CNTNAP5: variants seen among roughly 807,000 people sequenced by gnomAD.
The protein encoded by CNTNAP5 is contactin associated protein family member 5.
A neutral mutation model predicts 150.2 loss-of-function variants in CNTNAP5; 72 were observed. That is an observed-to-expected ratio of 0.48 (90% confidence interval 0.40 to 0.58). The LOEUF (loss-of-function observed/expected upper bound fraction) is 0.58, where lower values mean the gene tolerates loss of function less well. Among genes scored for constraint, CNTNAP5 ranks in the 20% least tolerant of loss-of-function variants. The probability of loss-of-function intolerance (pLI) is 0.00; values close to 1 mark genes in which losing one functional copy is unlikely to be tolerated. For missense variants in CNTNAP5, 1,636 were observed against 1,626.2 expected (o/e 1.01, Z -0.10); for synonymous variants, 672 against 619.8 (o/e 1.08, Z -1.25).
At chr2:124,519,383 T>C (rs1197010177) in intron 8 of CNTNAP5, among the ~76,000 whole-genome samples, 3 of 152,170 alleles carry the variant, frequency 2.0e-5, no homozygotes, top group Non-Finnish European at 4.4e-5. Flanking sequence ...ATAATAAAAA[T>C]AAAAGCAAAG....
intron 22 of CNTNAP5, among the ~76,000 whole-genome samples, chr2:124,908,676 A>C (rs865777049): frequency 1.1e-4 from 17 of 152,244 alleles, no homozygotes; most frequent in Middle Eastern, 6.8e-3. Context: ...ACTCAGAAGA[A>C]GGCATTGTTA....
At chr2:124,802,079 C>G (rs1384358236) in intron 19 of CNTNAP5, among the ~76,000 whole-genome samples, 1 of 152,132 alleles carries the variant, frequency 6.6e-6, no homozygotes, top group Non-Finnish European at 1.5e-5. Context: ...TTACAGGGAG[C>G]CCATTTTGCT....
At chr2:124,753,248 A>T (rs888694667) in intron 14 of CNTNAP5, among the ~76,000 whole-genome samples, 9 of 152,108 alleles carry the variant, frequency 5.9e-5, no homozygotes, top group African/African-American at 2.2e-4. Flanking sequence ...TTTTTATGGG[A>T]TGTTATCTTT....
chr2:124,495,612 T>A (rs1345518842), intron 7 of CNTNAP5, among the ~76,000 whole-genome samples: 1 of 152,212 alleles, frequency 6.6e-6, no homozygotes, highest in Non-Finnish European at 1.5e-5. Flanking sequence ...TAAAAATGTG[T>A]CTCTCGTGGA....
At chr2:124,747,080 G>A (rs1680618262) in intron 13 of CNTNAP5, 149 bp from the exon 14 acceptor site, 15 of 611,082 alleles carry the variant, frequency 2.5e-5, no homozygotes, top group Non-Finnish European at 4.0e-5. Context: ...AAGGGAAGGG[G>A]GGATGTGAGG....
At chr2:124,570,562 G>GTTGA (rs140552578) in intron 11 of CNTNAP5, among the ~76,000 whole-genome samples, 3,985 of 152,108 alleles carry the variant, frequency 0.026, 185 homozygotes, top group African/African-American at 0.091. Flanking sequence ...CAGTTTGTTG[G>GTTGA]GGATCGGGTT....
intron 22 of CNTNAP5, among the ~76,000 whole-genome samples, chr2:124,907,601 A>G (rs941686487): frequency 1.3e-5 from 2 of 149,406 alleles, no homozygotes; most frequent in Non-Finnish European, 3.0e-5. Flanking sequence ...ATATTTATAG[A>G]TCAAGATCTA....
chr2:124,149,138 C>A (rs181389775), intron 1 of CNTNAP5, among the ~76,000 whole-genome samples: 1 of 151,916 alleles, frequency 6.6e-6, no homozygotes, highest in Non-Finnish European at 1.5e-5. Flanking sequence ...GTGGGTGTTT[C>A]GTTAAGTTCT....
intron 1 of CNTNAP5, among the ~76,000 whole-genome samples, chr2:124,189,189 C>T (rs1313449108): frequency 6.6e-6 from 1 of 152,014 alleles, no homozygotes; most frequent in Admixed American, 6.6e-5. Context: ...GTTGGAGATA[C>T]AGCAGTAAAC....
chr2:124,189,987 T>C (rs557102708), intron 1 of CNTNAP5, among the ~76,000 whole-genome samples: 2 of 152,316 alleles, frequency 1.3e-5, no homozygotes, highest in East Asian at 3.9e-4. Flanking sequence ...CTGAGTATGT[T>C]TGCTTCTGTA....
chr2:124,755,262 C>T lies in CNTNAP5; in HGVS notation c.2234+7877C>T, dbSNP rs188812362. 1.7e-4 allele frequency among the ~76,000 whole-genome samples: 26 copies of T among 152,128 alleles called. No individual in the cohort carries two copies. The East Asian group carries it at 4.8e-3, about 28-fold the overall frequency. On this transcript the variant is annotated intron_variant, in intron 14 of 23. Transcript: ENST00000682447. ...TCTATTACATCAGTTATCTGTCAAG[C>T]CTTATAAATATACTATCACTAAATT... is the stretch of plus-strand genomic sequence containing the variant.
intron 1 of CNTNAP5, among the ~76,000 whole-genome samples, chr2:124,069,120 G>T (rs13412660): frequency 0.12 from 18,261 of 151,992 alleles, 1,161 homozygotes; most frequent in South Asian, 0.23. Flanking sequence ...TGCCATGAAG[G>T]GTGAGTCCCA....
intron 18 of CNTNAP5, among the ~76,000 whole-genome samples, chr2:124,797,438 C>T (rs1364617980): frequency 6.6e-6 from 1 of 152,170 alleles, no homozygotes; most frequent in African/African-American, 2.4e-5. Context: ...AGCCTATTTA[C>T]CCAAGTCTTG....
chr2:124,359,153 C>A (rs545389967), intron 3 of CNTNAP5, among the ~76,000 whole-genome samples: 1 of 151,932 alleles, frequency 6.6e-6, no homozygotes. Flanking sequence ...CGGTGATATC[C>A]CCTTTATCAT....
chr2:124,830,038 A>C (rs1307592568), intron 19 of CNTNAP5, among the ~76,000 whole-genome samples: 2 of 151,822 alleles, frequency 1.3e-5, no homozygotes, highest in East Asian at 3.9e-4. Context: ...CTATGAATTT[A>C]TATATTTTAT....
intron 1 of CNTNAP5, among the ~76,000 whole-genome samples, chr2:124,145,878 A>G (rs1573789339): frequency 6.7e-6 from 1 of 150,298 alleles, no homozygotes; most frequent in East Asian, 2.0e-4. Context: ...TGGAGCTTTG[A>G]AGTTCATGGG....
chr2:124,130,839 A>G (rs551800378), intron 1 of CNTNAP5, among the ~76,000 whole-genome samples: 1 of 152,326 alleles, frequency 6.6e-6, no homozygotes, highest in African/African-American at 2.4e-5. Flanking sequence ...TACTGTGGTC[A>G]GAGCAGACAT....
chr2:124,658,861 A>G (rs1403667948), intron 13 of CNTNAP5, among the ~76,000 whole-genome samples: 1 of 152,194 alleles, frequency 6.6e-6, no homozygotes, highest in Non-Finnish European at 1.5e-5. Context: ...TTAGGCTATA[A>G]TGGCACCTCT....
At chr2:124,906,662 G>A (rs745553594) in intron 22 of CNTNAP5, among the ~76,000 whole-genome samples, 26 of 152,246 alleles carry the variant, frequency 1.7e-4, no homozygotes, top group South Asian at 4.1e-4. Context: ...AAGACTTTTA[G>A]CCTGAGATCT....
Sources: gnomAD v4.1 joint callset for allele counts (sites outside exome capture counted in the v4.1 genomes callset) on GRCh38, gnomAD v4.1.1 for gene constraint, MANE v1.5 for transcripts, NCBI Gene and HGNC (gene_info 2026-07-23, HGNC 2026-07-21) for gene names.